The following VPS72 variants were observed in gnomAD, a reference collection of about 807,000 sequenced individuals.
The protein encoded by VPS72 is vacuolar protein sorting-associated protein 72 homolog.
In VPS72, 27 loss-of-function variants were observed where a neutral mutation model predicts 38.9. That is an observed-to-expected ratio of 0.69 (90% CI 0.51 to 0.96). The LOEUF (loss-of-function observed/expected upper bound fraction) is 0.96. VPS72 is among the 40% of genes least tolerant of loss of function. The pLI is 0.00. For missense variants in VPS72, 360 were observed against 479.5 expected (o/e 0.75, Z 2.33); for synonymous variants, 173 against 186.3 (o/e 0.93, Z 0.58).
chr1:151,190,087 G>T lies in VPS72; in HGVS notation c.35C>A (p.Thr12Asn), dbSNP rs1684432761. 3 of 1,613,940 alleles carry T rather than the reference G, an allele frequency of 1.9e-6. No individual in the cohort carries two copies. Among genetic ancestry groups the T allele is most frequent in the Admixed American group, 1.7e-5 (1 of 59,988 alleles). ...SLAGGRAPRKTAGNRLSGLLE... is the reference protein window; with the variant it reads ...SLAGGRAPRKNAGNRLSGLLE... The stretch of plus-strand genomic sequence containing the variant: ...AAGCCCAGAAAGCCGGTTCCCAGCG[G>T]TCTTCCGGGGTGCCCGGCCCCCAGC... The change falls in exon 1 of 6, where the codon ACC becomes AAC. Residue 12 changes from threonine (T) to asparagine (N), a missense_variant. This residue lies in a region of VPS72 where 66 missense variants were observed against 123.1 expected (regional missense o/e 0.54). Coordinates refer to ENST00000368892, the MANE Select transcript of VPS72 (RefSeq NM_005997.3).
intron 4 of VPS72, among the ~76,000 whole-genome samples, chr1:151,179,750 G>C (rs1684198579): frequency 2.0e-5 from 3 of 152,002 alleles, no homozygotes; most frequent in Admixed American, 1.3e-4. Flanking sequence ...AAATGAGCCA[G>C]ATGTGGTGGT....
At chr1:151,177,284 T>C (rs750185969) in intron 5 of VPS72, among the ~76,000 whole-genome samples, 10 of 143,744 alleles carry the variant, frequency 7.0e-5, no homozygotes, top group East Asian at 2.0e-4. Context: ...ACTCAGGAGG[T>C]TGAGGCAGGA....
chr1:151,179,092 A>G (rs587634999), intron 4 of VPS72, among the ~76,000 whole-genome samples: 7 of 150,542 alleles, frequency 4.6e-5, no homozygotes, highest in Non-Finnish European at 7.4e-5. Flanking sequence ...GACCAGCCTG[A>G]CCAACATGGT....
intron 1 of VPS72, among the ~76,000 whole-genome samples, chr1:151,186,923 C>T (rs1684364104): frequency 6.6e-6 from 1 of 152,214 alleles, no homozygotes; most frequent in Non-Finnish European, 1.5e-5. Flanking sequence ...TCAATCCCCT[C>T]CATCTCCTTA....
At position 151,176,839 on chromosome 1, in the gene VPS72, T is replaced by C. The variant is rs1218591149; in HGVS notation, c.900A>G (p.Leu300=). 6 of 1,614,012 alleles carry C rather than the reference T, an allele frequency of 3.7e-6. No homozygotes were observed. The highest frequency in any genetic ancestry group is 2.2e-5 in the East Asian group (1 of 44,904). Residue 300 remains leucine, a synonymous_variant, in exon 6 of 6, where the codon CTA becomes CTG. Transcript: ENST00000368892. ...GTATGTCTGTAACAGGGTCCCGGTA[T>C]AGGGCTGGACGATGGGTCACTGGAC... ...EVCPVTHRPA[L]YRDPVTDIPY... is the part of the protein sequence containing the mutation.
intron 4 of VPS72, among the ~76,000 whole-genome samples, chr1:151,183,972 C>T (rs1381255879): frequency 6.6e-6 from 1 of 151,638 alleles, no homozygotes; most frequent in Non-Finnish European, 1.5e-5. Context: ...GATCCTCCTG[C>T]CTAAATTTCC....
chr1:151,184,957 T>C (rs906926260), intron 3 of VPS72, among the ~76,000 whole-genome samples: 5 of 152,212 alleles, frequency 3.3e-5, no homozygotes, highest in Non-Finnish European at 7.3e-5. Context: ...CCCCATCACC[T>C]ATTGGTAATA....
chr1:151,176,431 C>A lies in VPS72; in HGVS notation c.*213G>T. On this transcript the variant is annotated 3_prime_UTR_variant, in exon 6 of 6. Coordinates refer to ENST00000368892, the MANE Select transcript of VPS72 (RefSeq NM_005997.3). ...TATGCAGGTATTCAAATACTTCTTG[C>A]TCCCAACCCTAGACTGGACACCAGA... is the stretch of plus-strand genomic sequence containing the variant. 1.4e-6 allele frequency: 1 copy of A among 733,104 alleles called. No individual in the cohort carries two copies. The highest frequency in any genetic ancestry group is 2.1e-6 in the Non-Finnish European group (1 of 470,966). 45.4% of individuals were successfully genotyped at this position (733,104 alleles called of 1,614,324 possible).
chr1:151,178,167 T>C (rs1480450996), intron 4 of VPS72, 22 bp from the exon 5 acceptor site: 8 of 1,611,306 alleles, frequency 5.0e-6, no homozygotes, highest in Non-Finnish European at 6.8e-6. Context: ...AAGGAAGAAA[T>C]GAGGGGATGA....
intron 1 of VPS72, among the ~76,000 whole-genome samples, chr1:151,188,754 A>G (rs974661303): frequency 3.3e-5 from 5 of 152,210 alleles, no homozygotes; most frequent in Admixed American, 2.6e-4. Flanking sequence ...CCCTCCAGGG[A>G]TGCCTATCCT....
intron 1 of VPS72, among the ~76,000 whole-genome samples, chr1:151,187,573 T>G (rs1684378355): frequency 6.6e-6 from 1 of 152,226 alleles, no homozygotes; most frequent in African/African-American, 2.4e-5. Context: ...TTCCTTCGGC[T>G]TTTATTGAGA....
Position 151,189,895 on chromosome 1 carries a change from G to A in VPS72, c.117+110C>T. The A allele has an allele frequency of 3.2e-6, 4 of 1,268,054 alleles. No individual in the cohort carries two copies. The South Asian group carries it at 5.4e-5, about 17-fold the overall frequency. 78.6% of individuals were successfully genotyped at this position (1,268,054 alleles called of 1,614,324 possible). The stretch of plus-strand genomic sequence containing the variant: ...ATTCACCCACCCAACTCGAGTATCA[G>A]CTCCCAGAGCTCCTCTCTATTCCCC... On this transcript the variant is annotated intron_variant, in intron 1 of 5. Coordinates refer to ENST00000368892, the MANE Select transcript of VPS72 (RefSeq NM_005997.3).
chr1:151,188,855 G>C (rs1296514643), intron 1 of VPS72, among the ~76,000 whole-genome samples: 1 of 152,156 alleles, frequency 6.6e-6, no homozygotes, highest in African/African-American at 2.4e-5. Context: ...TTTTGAGACG[G>C]AGTCCTGCTC....
intron 1 of VPS72, among the ~76,000 whole-genome samples, chr1:151,187,947 G>T (rs1218731340): frequency 1.3e-5 from 2 of 152,058 alleles, no homozygotes; most frequent in Non-Finnish European, 2.9e-5. Flanking sequence ...GTCGTAAAAT[G>T]ACAGAAATAG....
Position 151,176,716 on chromosome 1 carries a change from G to A in VPS72, c.1023C>T (p.Pro341=), listed in dbSNP as rs778375216. Residue 341 remains proline, a synonymous_variant, in exon 6 of 6, where the codon CCC becomes CCT. Coordinates refer to ENST00000368892, the MANE Select transcript of VPS72 (RefSeq NM_005997.3). ...GGAGGGGCTCAGGAGGTGGCGGGCC[G>A]GGGCCCAGGGCTGAGGCAGTGGGCG... ...GLPPTASALG[P]GPPPPEPLPG... is the part of the protein sequence containing the mutation. The A allele has an allele frequency of 1.7e-5, 28 of 1,614,054 alleles. No homozygotes were observed. In the East Asian group the frequency reaches 2.2e-4, roughly 13 times the overall value.
At chr1:151,184,531 A>G in intron 3 of VPS72, 38 bp from the exon 4 acceptor site, 2 of 1,522,976 alleles carry the variant, frequency 1.3e-6, no homozygotes, top group African/African-American at 1.4e-5. Flanking sequence ...CTTTGAATTC[A>G]TGTCCACATA....
At position 151,185,622 on chromosome 1, in the gene VPS72, T is replaced by C; in HGVS notation, c.271-2A>G. ...AGGCCTTAAGCTCTTGAGAGGTTCC[T>C]GAGGACAGATTGGAATCAGATACTG... is the stretch of plus-strand genomic sequence containing the variant. On this transcript the variant is annotated splice_acceptor_variant, in intron 2 of 5. Transcript: ENST00000368892. LOFTEE classifies it high-confidence loss of function. The C allele has an allele frequency of 6.2e-7, 1 of 1,614,052 alleles. No individual in the cohort carries two copies. The highest frequency in any genetic ancestry group is 2.2e-5 in the East Asian group (1 of 44,890).
At chr1:151,185,233 C>G (rs1684323944) in intron 3 of VPS72, among the ~76,000 whole-genome samples, 1 of 152,006 alleles carries the variant, frequency 6.6e-6, no homozygotes, top group Admixed American at 6.6e-5. Flanking sequence ...TCAAGCAATT[C>G]TCCTGCCTCA....
At position 151,178,100 on chromosome 1, in the gene VPS72, T is replaced by C; in HGVS notation, c.608A>G (p.Lys203Arg). The C allele has an allele frequency of 6.2e-7, 1 of 1,614,164 alleles. No individual in the cohort carries two copies. The change falls in exon 5 of 6, where the codon AAG (lysine) becomes AGG (arginine). Residue 203 changes from lysine to arginine, a missense_variant. Lys to Arg is a conservative substitution (Grantham distance 26). Coordinates refer to ENST00000368892, the MANE Select transcript of VPS72 (RefSeq NM_005997.3). ...LEADKKKQVHKKRKCPGPIIT... is the reference protein window; with the variant it reads ...LEADKKKQVHRKRKCPGPIIT... ...TATGGGCCCGGGGCACTTCCGCTTC[T>C]TATGAACCTGCTTCTTTTTATCAGC... is the stretch of plus-strand genomic sequence containing the variant.
Sources: allele counts gnomAD v4.1 joint callset (sites outside exome capture counted in the v4.1 genomes callset), GRCh38; gene constraint gnomAD v4.1.1; regional missense constraint gnomAD v4.1.1; transcripts MANE v1.5; gene names NCBI Gene and HGNC (gene_info 2026-07-23, HGNC 2026-07-21).